Variants in ZNF81 observed in about 807,000 individuals in gnomAD.
ZNF81 encodes the protein zinc finger protein 81.
A neutral mutation model predicts 32.3 loss-of-function variants in ZNF81; 5 were observed. The ratio of observed to expected loss-of-function variants is 0.15; its 90% CI spans 0.08 to 0.33. ZNF81 has a LOEUF of 0.33. Among genes scored for constraint, ZNF81 ranks in the 10% least tolerant of loss-of-function variants. ZNF81 has a pLI of 1.00. For synonymous variants in ZNF81, 163 were observed against 166.8 expected (o/e 0.98, Z 0.17); for missense variants, 379 against 479.8 (o/e 0.79, Z 1.96).
Position 47,917,555 on chromosome X carries a change from T to G in ZNF81, c.*923T>G, listed in dbSNP as rs1569395926. ...CTGCTCTTTGCAAACCTGAAGAATC[T>G]CAAATTGCCCTACTCGGGGGTGAGG... On this transcript the variant is annotated 3_prime_UTR_variant, in exon 5 of 5. Transcript: ENST00000338637. 4.1e-6 allele frequency: 1 copy of G among 244,818 alleles called. No homozygotes were observed. Among genetic ancestry groups the G allele is most frequent in the East Asian group, 5.8e-5 (1 of 17,354 alleles). 20.2% of individuals were successfully genotyped at this position (244,818 alleles called of 1,213,427 possible). A position where few individuals can be genotyped will look rare whatever the true frequency, so the allele number is the denominator to read the frequency against.
intron 2 of ZNF81, among the ~76,000 whole-genome samples, chrX:47,873,707 C>A (rs2058589047): frequency 8.9e-6 from 1 of 111,777 alleles, no homozygotes; most frequent in Non-Finnish European, 1.9e-5. Context: ...TGCTGTGTCA[C>A]CCAGGCTGGA....
At chrX:47,866,129 A>G (rs2058559103) in intron 2 of ZNF81, among the ~76,000 whole-genome samples, 1 of 111,819 alleles carries the variant, frequency 8.9e-6, no homozygotes, top group African/African-American at 3.3e-5. Context: ...CTTGGTGTCA[A>G]GACCTGAGAT....
At chrX:47,869,782 G>A (rs1288146889) in intron 2 of ZNF81, among the ~76,000 whole-genome samples, 1 of 110,678 alleles carries the variant, frequency 9.0e-6, no homozygotes, top group Non-Finnish European at 1.9e-5. Flanking sequence ...TGCAACCTCC[G>A]CCTCCTGGGT....
intron 2 of ZNF81, among the ~76,000 whole-genome samples, chrX:47,860,041 A>C (rs1293429840): frequency 9.0e-6 from 1 of 110,894 alleles, no homozygotes; most frequent in Non-Finnish European, 1.9e-5. Flanking sequence ...AATTCTTGTA[A>C]TTTCCTGAGT....
intron 2 of ZNF81, among the ~76,000 whole-genome samples, chrX:47,877,645 C>T (rs1203420819): frequency 8.9e-6 from 1 of 111,967 alleles, no homozygotes; most frequent in Non-Finnish European, 1.9e-5. Context: ...GGTTTCTGGT[C>T]ATGCCCACTG....
In ZNF81 at chrX:47,917,560, T is replaced by G. The variant is rs2058761806; in HGVS notation, c.*928T>G. On this transcript the variant is annotated 3_prime_UTR_variant, in exon 5 of 5. Transcript: ENST00000338637. ...CTTTGCAAACCTGAAGAATCTCAAA[T>G]TGCCCTACTCGGGGGTGAGGAGCCA... is the stretch of plus-strand genomic sequence containing the variant. The G allele has an allele frequency of 4.2e-6, 1 of 236,115 alleles. No individual in the cohort carries two copies. Among genetic ancestry groups the G allele is most frequent in the Non-Finnish European group, 7.6e-6 (1 of 132,062 alleles). The allele number at this position is 236,115 out of a possible 1,213,427, so 19.5% of individuals were successfully genotyped here.
Position 47,888,137 on chromosome X carries a change from C to T in ZNF81, c.181+12C>T. 1.7e-6 allele frequency: 2 copies of T among 1,203,690 alleles called. No individual in the cohort carries two copies. The highest frequency in any genetic ancestry group is 3.0e-5 in the East Asian group (1 of 33,601). ...CCTGCTCTCAGTGGGTAAGGACAAC[C>T]ATCCTGTGAAGTTGTGAGGAGCCTG... On this transcript the variant is annotated intron_variant, in intron 3 of 4. Coordinates refer to ENST00000338637, the MANE Select transcript of ZNF81 (RefSeq NM_007137.5).
chrX:47,915,287 C>G lies in ZNF81; in HGVS notation c.641C>G (p.Ala214Gly). The change falls in exon 5 of 5, where the codon GCA becomes GGA. Residue 214 changes from alanine (A) to glycine (G), a missense_variant. Around this residue, in one of 2 missense-constraint regions of ZNF81, gnomAD observed 277 missense variants for 306.6 expected, o/e 0.90. Transcript: ENST00000338637. ...DLHIHNKSNA[A>G]KNLDKTIGHG... ...CATATTCATAATAAAAGCAATGCAG[C>G]AAAGAACCTGGATAAAACTATTGGG... The G allele has an allele frequency of 2.5e-6, 3 of 1,211,455 alleles. No homozygotes were observed. The South Asian group carries it at 5.3e-5, about 21-fold the overall frequency.
intron 2 of ZNF81, among the ~76,000 whole-genome samples, chrX:47,877,335 T>G (rs1281890975): frequency 1.8e-5 from 2 of 111,675 alleles, no homozygotes; most frequent in Non-Finnish European, 1.9e-5. Flanking sequence ...CTTTGGTCCC[T>G]CTTGGAAACA....
intron 2 of ZNF81, among the ~76,000 whole-genome samples, chrX:47,850,885 ACGCG>A (rs781846671): frequency 0.024 from 1,793 of 76,043 alleles, 73 homozygotes; most frequent in African/African-American, 0.082. Flanking sequence ...ATTCACAGGC[ACGCG>A]CGCACACACA....
intron 2 of ZNF81, among the ~76,000 whole-genome samples, chrX:47,855,237 A>C (rs1339689801): frequency 9.0e-6 from 1 of 111,419 alleles, no homozygotes; most frequent in Non-Finnish European, 1.9e-5. Flanking sequence ...GAAGAAACAG[A>C]TATAATAATA....
At chrX:47,914,830 T>C in intron 4 of ZNF81, 94 bp from the exon 5 acceptor site, 1 of 858,073 alleles carries the variant, frequency 1.2e-6, no homozygotes, top group Non-Finnish European at 1.6e-6. Flanking sequence ...ATTTACTGAT[T>C]TCCATGTGTT....
At position 47,913,008 on chromosome X, in the gene ZNF81, G is replaced by GAT. The variant is rs367749562; in HGVS notation, c.278-1902_278-1901dup. ...TGTCTTTTCTGCTATTTTTTTGTTA[G>GAT]ATATATATATATATAATGTAGGTCC... On this transcript the variant is annotated intron_variant, in intron 4 of 4. Transcript: ENST00000338637. Among the ~76,000 whole-genome samples, 749 of 108,697 alleles carry GAT rather than the reference G, an allele frequency of 6.9e-3. 6 individuals are homozygous for GAT. The highest frequency in any genetic ancestry group is 0.017 in the African/African-American group (491 of 29,671). The allele number at this position is 108,697 out of a possible 115,157, so 94.4% of individuals were successfully genotyped here.
chrX:47,887,248 G>A (rs1482231208), intron 2 of ZNF81, among the ~76,000 whole-genome samples: 1 of 111,465 alleles, frequency 9.0e-6, no homozygotes, highest in Non-Finnish European at 1.9e-5. Context: ...TTAACATTAG[G>A]GGGTATAAAT....
intron 2 of ZNF81, 146 bp from the exon 3 acceptor site, chrX:47,887,851 CAT>C: frequency 5.4e-6 from 3 of 557,176 alleles, no homozygotes; most frequent in Non-Finnish European, 8.6e-6. Context: ...CACAATATTA[CAT>C]ATGTGTATAT....
In ZNF81 at chrX:47,846,328, A is replaced by T; in HGVS notation, c.54+7A>T. 1 of 1,206,842 alleles carries T rather than the reference A, an allele frequency of 8.3e-7. No individual in the cohort carries two copies. The highest frequency in any genetic ancestry group is 1.8e-5 in the South Asian group (1 of 55,786). On this transcript the variant is annotated splice_region_variant and intron_variant, in intron 2 of 4. Coordinates refer to ENST00000338637, the MANE Select transcript of ZNF81 (RefSeq NM_007137.5). Reference sequence around the variant, plus strand: ...ACATGGCAGTGCCTGTGAGGTGAGGAGGAGGAAGAGGTGCCCAGGGATTGG... The same window carrying T: ...ACATGGCAGTGCCTGTGAGGTGAGGTGGAGGAAGAGGTGCCCAGGGATTGG...
intron 2 of ZNF81, among the ~76,000 whole-genome samples, chrX:47,856,921 G>T (rs1235797745): frequency 2.7e-5 from 3 of 111,398 alleles, no homozygotes; most frequent in African/African-American, 9.8e-5. Context: ...ACTGCAGCCT[G>T]CGTGATACAG....
At chrX:47,863,018 G>A (rs2058547348) in intron 2 of ZNF81, among the ~76,000 whole-genome samples, 1 of 111,831 alleles carries the variant, frequency 8.9e-6, no homozygotes, top group South Asian at 3.7e-4. Context: ...GCAGGTTCAG[G>A]CAAAAGGAGA....
intron 1 of ZNF81, among the ~76,000 whole-genome samples, chrX:47,837,495 G>A (rs1556879241): frequency 4.4e-5 from 5 of 112,400 alleles, no homozygotes; most frequent in Non-Finnish European, 9.4e-5. Flanking sequence ...TGATTTGTCT[G>A]TGTCTCCTTA....
Sources: allele counts gnomAD v4.1 joint callset (sites outside exome capture counted in the v4.1 genomes callset), GRCh38; gene constraint gnomAD v4.1.1; regional missense constraint gnomAD v4.1.1; transcripts MANE v1.5; gene names NCBI Gene and HGNC (gene_info 2026-07-23, HGNC 2026-07-21).